The following GPR35 variants were observed in gnomAD, a reference collection of about 807,000 sequenced individuals.
The protein encoded by GPR35 is KYNA receptor.
For missense variants in GPR35, 372 were observed against 422.5 expected (o/e 0.88, Z 1.05); for synonymous variants, 207 against 198.4 (o/e 1.04, Z -0.36).
chr2:240,606,968 G>A (rs1225414146), intron 2 of GPR35, among the ~76,000 whole-genome samples: 1 of 152,198 alleles, frequency 6.6e-6, no homozygotes, highest in African/African-American at 2.4e-5. Flanking sequence ...CAACTAAAAA[G>A]TTGTTGCAGA....
chr2:240,613,603 C>T (rs576361989), intron 2 of GPR35, among the ~76,000 whole-genome samples: 3 of 152,024 alleles, frequency 2.0e-5, no homozygotes, highest in South Asian at 4.1e-4. Context: ...CAGGCAGAAC[C>T]GAACCTAACT....
Position 240,631,614 on chromosome 2 carries a change from C to T in GPR35, c.*732C>T, listed in dbSNP as rs1043790324. On this transcript the variant is annotated 3_prime_UTR_variant, in exon 2 of 2. Transcript: ENST00000407714. ...AGTGAAGGGGGTGGCCAGGGTCTGT[C>T]AAGGAACCCAGCCCTCTTCTCCTTC... Among the ~76,000 whole-genome samples the T allele has an allele frequency of 6.6e-6, 1 of 152,106 alleles. No homozygotes were observed. Among genetic ancestry groups the T allele is most frequent in the East Asian group, 1.9e-4 (1 of 5,178 alleles).
chr2:240,615,225 G>C (rs567502664), intron 2 of GPR35, among the ~76,000 whole-genome samples: 1 of 152,306 alleles, frequency 6.6e-6, no homozygotes, highest in South Asian at 2.1e-4. Flanking sequence ...GGGCTCACGA[G>C]GCCCCAGCAC....
At chr2:240,605,446 G>A (rs2043123300) in exon 1 of GPR35, 1 of 152,302 alleles carries the variant, frequency 6.6e-6, no homozygotes, top group Non-Finnish European at 1.5e-5. Flanking sequence ...GTCACTTCCA[G>A]CTCCAGGCAC....
chr2:240,627,740 G>A (rs1295564352), intron 1 of GPR35: 1 of 139,980 alleles, frequency 7.1e-6, no homozygotes, highest in Non-Finnish European at 1.5e-5. Context: ...CTCCCAAAGT[G>A]TTGGGATTAC....
intron 2 of GPR35, among the ~76,000 whole-genome samples, chr2:240,615,744 T>C (rs1168826677): frequency 6.6e-6 from 1 of 152,240 alleles, no homozygotes; most frequent in Non-Finnish European, 1.5e-5. Context: ...GAAATGAACC[T>C]TTCCTTAATT....
chr2:240,613,212 A>G (rs1204194328), intron 2 of GPR35, among the ~76,000 whole-genome samples: 1 of 152,136 alleles, frequency 6.6e-6, no homozygotes, highest in Non-Finnish European at 1.5e-5. Flanking sequence ...GGCCACCCAG[A>G]AGGAGGAGGA....
At chr2:240,629,817 T>G in intron 1 of GPR35, 132 bp from the exon 2 acceptor site, 2 of 716,364 alleles carry the variant, frequency 2.8e-6, no homozygotes, top group South Asian at 1.8e-5. Context: ...CTTTGAGGAG[T>G]TTTGTGTTTG....
In GPR35 at chr2:240,615,117, T is replaced by TTGTG. The variant is rs559176515; in HGVS notation, c.-576-1257_-576-1254dup. 1.4e-3 allele frequency among the ~76,000 whole-genome samples: 206 copies of TTGTG among 149,120 alleles called. 1 individual carries two copies. In the Middle Eastern group the frequency reaches 0.014, roughly 10 times the overall value. On this transcript the variant is annotated intron_variant, in intron 2 of 5. Transcript: ENST00000319838. ...TGTGTGTGTATGTATATGCCTGTGC[T>TTGTG]TGTGTGTGTGTGTGTGTACACATAC...
At chr2:240,610,847 G>C (rs2043176093) in intron 2 of GPR35, among the ~76,000 whole-genome samples, 1 of 151,544 alleles carries the variant, frequency 6.6e-6, no homozygotes, top group Non-Finnish European at 1.5e-5. Flanking sequence ...TGTTAGCCAG[G>C]ATGGTCTTGA....
rs1312876622 is a variant in GPR35, at chr2:240,630,693, C to A, written c.741C>A (p.Ala247=). The A allele has an allele frequency of 1.9e-6, 3 of 1,613,328 alleles. No homozygotes were observed. Among genetic ancestry groups the A allele is most frequent in the Admixed American group, 1.7e-5 (1 of 60,014 alleles). ...LTVRLAVGWN[A]CALLETIRRA... is the part of the protein sequence containing the mutation. ...TGCGCCTCGCAGTGGGCTGGAACGC[C>A]TGTGCCCTCCTGGAGACGATCCGTC... Residue 247 remains alanine, a synonymous_variant, in exon 2 of 2, where the codon GCC becomes GCA. Coordinates refer to ENST00000407714, the MANE Select transcript of GPR35 (RefSeq NM_005301.5).
upstream of GPR35, chr2:240,625,457 G>A (rs1457122451): frequency 1.4e-5 from 14 of 985,534 alleles, no homozygotes; most frequent in East Asian, 2.3e-4. Context: ...GACCAGCCCT[G>A]AGGGGTGGCT....
upstream of GPR35, among the ~76,000 whole-genome samples, chr2:240,623,797 A>G (rs2043336278): frequency 6.6e-6 from 1 of 152,152 alleles, no homozygotes; most frequent in Non-Finnish European, 1.5e-5. Flanking sequence ...CTAAATGTCC[A>G]GTTTCTTCCC....
chr2:240,622,537 A>G (rs1271726240), upstream of GPR35, among the ~76,000 whole-genome samples: 1 of 152,240 alleles, frequency 6.6e-6, no homozygotes. Context: ...GAGCAAAAAA[A>G]GGTCTCTGCG....
Position 240,614,426 on chromosome 2 carries a change from A to G in GPR35, c.-576-1962A>G, listed in dbSNP as rs191574118. On this transcript the variant is annotated intron_variant, in intron 2 of 5. Coordinates refer to the GPR35 transcript ENST00000319838. Reference sequence around the variant, plus strand: ...CTTAACCGTCACCTTCACGATCACCATTCCAGTTCTCCCTTCAGACTTCCC... The same window carrying G: ...CTTAACCGTCACCTTCACGATCACCGTTCCAGTTCTCCCTTCAGACTTCCC... Among the ~76,000 whole-genome samples, 304 of 152,232 alleles carry G rather than the reference A, an allele frequency of 2.0e-3. 1 individual carries two copies. Among genetic ancestry groups the G allele is most frequent in the African/African-American group, 7.1e-3 (295 of 41,542 alleles).
At chr2:240,625,148 C>T (rs1022309069), upstream of GPR35, 6 of 545,574 alleles carry the variant, frequency 1.1e-5, no homozygotes, top group Non-Finnish European at 1.2e-5. Context: ...GGAAGGTTTC[C>T]GAGATGACAG....
At chr2:240,626,053 G>A (rs1207267731) in intron 1 of GPR35, among the ~76,000 whole-genome samples, 1 of 57,838 alleles carries the variant, frequency 1.7e-5, no homozygotes, top group Non-Finnish European at 3.7e-5. Context: ...AGTGGGGTGA[G>A]GCTGTGATGG....
intron 1 of GPR35, chr2:240,629,182 G>C (rs1220393751): frequency 6.6e-6 from 1 of 152,564 alleles, no homozygotes; most frequent in Non-Finnish European, 1.5e-5. Flanking sequence ...AGGATACTCA[G>C]CTCCACCCCT....
chr2:240,616,625 C>T (rs1291948357), intron 3 of GPR35: 11 of 678,156 alleles, frequency 1.6e-5, no homozygotes, highest in South Asian at 5.0e-5. Context: ...CCAATGATCA[C>T]GAATGTGGCA....
Sources: gnomAD v4.1 joint callset for allele counts (sites outside exome capture counted in the v4.1 genomes callset) on GRCh38, gnomAD v4.1.1 for gene constraint, MANE v1.5 for transcripts, NCBI Gene and HGNC (gene_info 2026-07-23, HGNC 2026-07-21) for gene names.